The following CACNA2D1 variants were observed in gnomAD, a reference collection of about 807,000 sequenced individuals.
The protein encoded by CACNA2D1 is calcium voltage-gated channel auxiliary subunit alpha2delta 1.
In CACNA2D1, 53 loss-of-function variants were observed where a neutral mutation model predicts 171.5. That is an observed-to-expected ratio of 0.31 (90% confidence interval 0.25 to 0.39). The LOEUF is 0.39. Among genes scored for constraint, CACNA2D1 ranks in the 10% least tolerant of loss-of-function variants. CACNA2D1 has a pLI of 1.00. For missense variants in CACNA2D1, 903 were observed against 1,299.8 expected, an observed-to-expected ratio of 0.69 and a Z score of 4.69; for synonymous variants, 442 against 443.1, an observed-to-expected ratio of 1.00 and a Z score of 0.03.
At chr7:82,094,378 G>A (rs976276493) in intron 6 of CACNA2D1, among the ~76,000 whole-genome samples, 2 of 152,166 alleles carry the variant, frequency 1.3e-5, no homozygotes, top group Non-Finnish European at 2.9e-5. Context: ...AGTTGCACAT[G>A]TATAGAGATT....
At chr7:82,312,192 G>A (rs1004933113) in intron 3 of CACNA2D1, among the ~76,000 whole-genome samples, 4 of 152,046 alleles carry the variant, frequency 2.6e-5, no homozygotes, top group Non-Finnish European at 5.9e-5. Flanking sequence ...TAAATAAATT[G>A]GTCTTACTAT....
chr7:82,290,764 T>C (rs1811422116), intron 3 of CACNA2D1, among the ~76,000 whole-genome samples: 1 of 151,530 alleles, frequency 6.6e-6, no homozygotes, highest in Admixed American at 6.6e-5. Flanking sequence ...GCCGGGCTAA[T>C]TTTGTATTTT....
chr7:82,172,047 G>T (rs902356174), intron 3 of CACNA2D1, among the ~76,000 whole-genome samples: 1 of 151,812 alleles, frequency 6.6e-6, no homozygotes, highest in Non-Finnish European at 1.5e-5. Flanking sequence ...CTATAATATT[G>T]CCTAGTGGGA....
chr7:82,019,396 T>C (rs909148175), intron 12 of CACNA2D1, among the ~76,000 whole-genome samples: 6 of 152,238 alleles, frequency 3.9e-5, no homozygotes, highest in African/African-American at 1.2e-4. Context: ...ATTTTACTTT[T>C]AGTTGTTTCA....
chr7:82,156,002 T>C (rs1055805009), intron 4 of CACNA2D1, among the ~76,000 whole-genome samples: 1 of 152,182 alleles, frequency 6.6e-6, no homozygotes, highest in African/African-American at 2.4e-5. Flanking sequence ...CTAATTCTTG[T>C]AACACTCAAT....
chr7:82,442,790 G>A (rs1321184671), intron 1 of CACNA2D1, among the ~76,000 whole-genome samples: 1 of 152,196 alleles, frequency 6.6e-6, no homozygotes, highest in Non-Finnish European at 1.5e-5. Context: ...AGCCCCCTGC[G>A]TGGACAGCAC....
At chr7:82,310,066 G>A (rs542115189) in intron 3 of CACNA2D1, among the ~76,000 whole-genome samples, 2 of 151,656 alleles carry the variant, frequency 1.3e-5, no homozygotes, top group South Asian at 4.2e-4. Flanking sequence ...ATTTTTATAT[G>A]GTATAGAAAA....
chr7:82,071,178 C>A (rs1402490314), intron 7 of CACNA2D1, among the ~76,000 whole-genome samples: 1 of 152,078 alleles, frequency 6.6e-6, no homozygotes, highest in African/African-American at 2.4e-5. Flanking sequence ...TAACAGCAAG[C>A]AATAAAAGCT....
intron 3 of CACNA2D1, among the ~76,000 whole-genome samples, chr7:82,317,101 G>A (rs976375075): frequency 5.9e-5 from 9 of 152,238 alleles, no homozygotes; most frequent in East Asian, 1.9e-4. Context: ...GAATATTACC[G>A]AATGAGTAAA....
chr7:82,262,898 C>T (rs891236841), intron 3 of CACNA2D1, among the ~76,000 whole-genome samples: 1 of 152,042 alleles, frequency 6.6e-6, no homozygotes, highest in Non-Finnish European at 1.5e-5. Flanking sequence ...GTAAGGAATG[C>T]TACACAAACA....
At chr7:81,965,122 T>G (rs1407046175) in intron 32 of CACNA2D1, among the ~76,000 whole-genome samples, 1 of 151,840 alleles carries the variant, frequency 6.6e-6, no homozygotes, top group Non-Finnish European at 1.5e-5. Context: ...GTTGAGATAT[T>G]TTTGCTTTGT....
intron 3 of CACNA2D1, among the ~76,000 whole-genome samples, chr7:82,220,278 T>C (rs1477460263): frequency 6.6e-6 from 1 of 152,222 alleles, no homozygotes; most frequent in Non-Finnish European, 1.5e-5. Context: ...TAATTATTTT[T>C]TTTAAATCCA....
intron 34 of CACNA2D1, 84 bp downstream of exon 34, chr7:81,963,972 C>T: frequency 9.3e-7 from 1 of 1,071,330 alleles, no homozygotes; most frequent in Non-Finnish European, 1.4e-6. Context: ...TTTGAATATC[C>T]CCTAAATCCA....
intron 3 of CACNA2D1, among the ~76,000 whole-genome samples, chr7:82,290,791 T>C (rs549028670): frequency 6.6e-6 from 1 of 151,704 alleles, no homozygotes; most frequent in African/African-American, 2.4e-5. Flanking sequence ...AGATGGGGTT[T>C]CTCCATGTTG....
chr7:82,367,725 G>A (rs1185087585), intron 1 of CACNA2D1, among the ~76,000 whole-genome samples: 1 of 152,094 alleles, frequency 6.6e-6, no homozygotes, highest in Non-Finnish European at 1.5e-5. Context: ...AAGCAGAGTA[G>A]TCAAATTGGT....
At chr7:82,091,566 G>T (rs1811166799) in intron 6 of CACNA2D1, among the ~76,000 whole-genome samples, 1 of 152,100 alleles carries the variant, frequency 6.6e-6, no homozygotes, top group Non-Finnish European at 1.5e-5. Flanking sequence ...GAAAACAAGG[G>T]TAATGCAAGG....
At chr7:82,060,793 A>G (rs1375008542) in intron 9 of CACNA2D1, among the ~76,000 whole-genome samples, 1 of 152,132 alleles carries the variant, frequency 6.6e-6, no homozygotes, top group East Asian at 1.9e-4. Context: ...ACAATTAAAA[A>G]AAAATATGGA....
intron 12 of CACNA2D1, among the ~76,000 whole-genome samples, chr7:82,019,038 G>A (rs989059014): frequency 8.6e-5 from 13 of 151,446 alleles, no homozygotes; most frequent in African/African-American, 2.7e-4. Context: ...AATTAAATTC[G>A]TGGACAGGTG....
At chr7:82,421,312 C>T (rs1370179236) in intron 1 of CACNA2D1, among the ~76,000 whole-genome samples, 1 of 152,164 alleles carries the variant, frequency 6.6e-6, no homozygotes. Flanking sequence ...CAGTGTTTGA[C>T]AGTAGCAATC....
Sources: allele counts gnomAD v4.1 joint callset (sites outside exome capture counted in the v4.1 genomes callset), GRCh38; gene constraint gnomAD v4.1.1; transcripts MANE v1.5; gene names NCBI Gene and HGNC (gene_info 2026-07-23, HGNC 2026-07-21).